Variants in GRIN3A observed in about 807,000 individuals in gnomAD.
GRIN3A encodes the protein glutamate ionotropic receptor NMDA type subunit 3A.
A neutral mutation model predicts 92.4 loss-of-function variants in GRIN3A; 47 were observed. That is an observed-to-expected ratio of 0.51 (90% confidence interval 0.40 to 0.65). The LOEUF is 0.65. GRIN3A is among the 30% of genes least tolerant of loss of function. GRIN3A has a pLI of 0.00. For missense variants in GRIN3A, 1,324 were observed against 1,393.1 expected (o/e 0.95, Z 0.79); for synonymous variants, 527 against 540.6 (o/e 0.97, Z 0.35).
chr9:101,596,509 A>C (rs1828135473), intron 6 of GRIN3A, among the ~76,000 whole-genome samples: 1 of 152,244 alleles, frequency 6.6e-6, no homozygotes, highest in Non-Finnish European at 1.5e-5. Context: ...GATACCAACC[A>C]CTATAGCCTG....
intron 1 of GRIN3A, among the ~76,000 whole-genome samples, chr9:101,709,377 G>A (rs747826032): frequency 6.6e-6 from 1 of 152,128 alleles, no homozygotes; most frequent in Non-Finnish European, 1.5e-5. Context: ...TTGAAACAGA[G>A]TACAATTTTC....
Position 101,738,117 on chromosome 9 carries a change from G to A in GRIN3A, c.-138C>T, listed in dbSNP as rs532176159. The A allele has an allele frequency of 2.9e-5, 23 of 787,886 alleles. No homozygotes were observed. The highest frequency in any genetic ancestry group is 2.2e-4 in the South Asian group (15 of 68,268). 48.8% of individuals were successfully genotyped at this position (787,886 alleles called of 1,614,324 possible). A position where few individuals can be genotyped will look rare whatever the true frequency, so the allele number is the denominator to read the frequency against. ...GTGAAGCGGTCCCAGGAGCTGGAGCGGTCTCTAGGCCATGCAAGTTGGAGC... is the reference window on the plus strand; with the variant it reads ...GTGAAGCGGTCCCAGGAGCTGGAGCAGTCTCTAGGCCATGCAAGTTGGAGC... On this transcript the variant is annotated 5_prime_UTR_variant, in exon 1 of 9. Transcript: ENST00000361820.
chr9:101,698,418 T>C (rs1829708716), intron 1 of GRIN3A, among the ~76,000 whole-genome samples: 1 of 152,162 alleles, frequency 6.6e-6, no homozygotes, highest in Admixed American at 6.5e-5. Flanking sequence ...GAGAGATCCT[T>C]ATTACAGTCG....
intron 3 of GRIN3A, among the ~76,000 whole-genome samples, chr9:101,637,478 C>G (rs2118895797): frequency 6.6e-6 from 1 of 152,236 alleles, no homozygotes; most frequent in East Asian, 1.9e-4. Flanking sequence ...CTAGAGAAAA[C>G]AATGGTTAAC....
At chr9:101,696,894 T>C (rs111970219) in intron 1 of GRIN3A, among the ~76,000 whole-genome samples, 2 of 152,032 alleles carry the variant, frequency 1.3e-5, no homozygotes, top group African/African-American at 4.8e-5. Context: ...GACATAAACT[T>C]TTTCTCTCAA....
At position 101,686,686 on chromosome 9, in the gene GRIN3A, A is replaced by AAGTTC; in HGVS notation, c.1213_1214insGAACT (p.Met405ArgfsTer3). On this transcript the variant is annotated frameshift_variant, in exon 2 of 9. Coordinates refer to ENST00000361820, the MANE Select transcript of GRIN3A (RefSeq NM_133445.3). LOFTEE classifies it high-confidence loss of function. ...AATGAGAGCAAGTTCTGGTTGGATC[A>AAGTTC]TGGTGGCTGTGGCTACAGCTCTTGC... The AAGTTC allele has an allele frequency of 6.2e-7, 1 of 1,614,212 alleles. No homozygotes were observed.
At chr9:101,705,223 C>A (rs1309330399) in intron 1 of GRIN3A, among the ~76,000 whole-genome samples, 3 of 152,192 alleles carry the variant, frequency 2.0e-5, no homozygotes, top group African/African-American at 7.2e-5. Flanking sequence ...GGCACACACA[C>A]AAGCGGCTGA....
Position 101,737,444 on chromosome 9 carries a change from G to C in GRIN3A, c.536C>G (p.Ser179Cys). 6.2e-7 allele frequency: 1 copy of C among 1,614,276 alleles called. No homozygotes were observed. Among genetic ancestry groups the C allele is most frequent in the Non-Finnish European group, 8.5e-7 (1 of 1,180,042 alleles). The change falls in exon 1 of 9, where the codon TCC (serine) becomes TGC (cysteine). Residue 179 changes from serine to cysteine, a missense_variant. Coordinates refer to ENST00000361820, the MANE Select transcript of GRIN3A (RefSeq NM_133445.3). Reference protein sequence around the residue: ...PSSPWSSDPFSFLQSVCHTVV... With the variant: ...PSSPWSSDPFCFLQSVCHTVV... ...GGTATGGCACACACTTTGCAGGAAG[G>C]AGAAAGGGTCACTGCTCCATGGCGA...
At chr9:101,606,906 ATTTTTTTT>A (rs536780165) in intron 6 of GRIN3A, among the ~76,000 whole-genome samples, 40 of 86,216 alleles carry the variant, frequency 4.6e-4, no homozygotes, top group Admixed American at 1.7e-3. Flanking sequence ...AAAAAATTAC[ATTTTTTTT>A]TTTTTTTTTT....
Position 101,649,639 on chromosome 9 carries a change from T to C in GRIN3A, c.2352+20421A>G, listed in dbSNP as rs968164232. ...TTTCTCTTATTGGTTGCAGCCTGTCTCAATTCTGTGGGCCCAGGGGATTTT... is the reference window on the plus strand; with the variant it reads ...TTTCTCTTATTGGTTGCAGCCTGTCCCAATTCTGTGGGCCCAGGGGATTTT... On this transcript the variant is annotated intron_variant, in intron 3 of 8. Coordinates refer to ENST00000361820, the MANE Select transcript of GRIN3A (RefSeq NM_133445.3). Among the ~76,000 whole-genome samples the C allele has an allele frequency of 2.0e-5, 3 of 152,158 alleles. No homozygotes were observed. In the South Asian group the frequency reaches 6.2e-4, roughly 32 times the overall value.
chr9:101,699,980 A>G (rs1417092926), intron 1 of GRIN3A, among the ~76,000 whole-genome samples: 1 of 152,002 alleles, frequency 6.6e-6, no homozygotes, highest in East Asian at 1.9e-4. Context: ...CAGGTTTCTT[A>G]TGCGGTTAAA....
At chr9:101,686,240 T>C (rs1829531434) in intron 2 of GRIN3A, among the ~76,000 whole-genome samples, 1 of 152,232 alleles carries the variant, frequency 6.6e-6, no homozygotes, top group Non-Finnish European at 1.5e-5. Context: ...ATAAATTTCA[T>C]GGTATCTTTA....
chr9:101,603,424 C>A (rs997700918), intron 6 of GRIN3A, among the ~76,000 whole-genome samples: 2 of 152,104 alleles, frequency 1.3e-5, no homozygotes, highest in Non-Finnish European at 2.9e-5. Flanking sequence ...TTCAGTCAGG[C>A]CCTATTATTA....
At chr9:101,641,401 G>A (rs574674682) in intron 3 of GRIN3A, among the ~76,000 whole-genome samples, 2 of 152,138 alleles carry the variant, frequency 1.3e-5, no homozygotes, top group African/African-American at 4.8e-5. Context: ...GTCCAACAAC[G>A]ATAGATTGGA....
chr9:101,622,281 C>G (rs963040990), intron 5 of GRIN3A, among the ~76,000 whole-genome samples: 1 of 152,190 alleles, frequency 6.6e-6, no homozygotes, highest in Admixed American at 6.5e-5. Context: ...AGTTAACATA[C>G]AGGAAAGTTC....
chr9:101,628,694 A>G (rs1333459211), intron 3 of GRIN3A, among the ~76,000 whole-genome samples: 2 of 152,222 alleles, frequency 1.3e-5, no homozygotes, highest in Non-Finnish European at 2.9e-5. Context: ...ATTGGCATGT[A>G]GAATTAGTCT....
chr9:101,613,481 T>A lies in GRIN3A; in HGVS notation c.2661A>T (p.Ile887=), dbSNP rs1828396647. The A allele has an allele frequency of 6.2e-7, 1 of 1,614,194 alleles. No homozygotes were observed. The highest frequency in any genetic ancestry group is 8.5e-7 in the Non-Finnish European group (1 of 1,180,014). The change falls in exon 6 of 9, where the codon ATA becomes ATT. Residue 887 remains isoleucine (I), a synonymous_variant. Transcript: ENST00000361820. ...LPPNSPLTAN[I]SELISQYKSH... ...ACTTGTATTGACTGATTAGCTCGGA[T>A]ATGTTGGCGGTCAATGGAGAGTTGG...
intron 2 of GRIN3A, among the ~76,000 whole-genome samples, chr9:101,682,879 G>C (rs1320295358): frequency 6.6e-6 from 1 of 152,206 alleles, no homozygotes; most frequent in Admixed American, 6.5e-5. Flanking sequence ...CTACTCGGGA[G>C]GCTGAGGCAG....
intron 3 of GRIN3A, among the ~76,000 whole-genome samples, chr9:101,663,733 G>A (rs1330033987): frequency 1.3e-5 from 2 of 151,646 alleles, no homozygotes; most frequent in African/African-American, 4.8e-5. Context: ...TGCCCTCACA[G>A]CATGTCTATT....
Sources: gnomAD v4.1 joint callset for allele counts (sites outside exome capture counted in the v4.1 genomes callset) on GRCh38, gnomAD v4.1.1 for gene constraint, MANE v1.5 for transcripts, NCBI Gene and HGNC (gene_info 2026-07-23, HGNC 2026-07-21) for gene names.